GLMN: variants seen among roughly 807,000 people sequenced by gnomAD.
GLMN encodes glomulin, FKBP associated protein, also known as glomulin.
Under a neutral mutation model 87.8 loss-of-function variants are expected in GLMN, and 75 were observed. The observed-to-expected ratio is 0.85, with a 90% CI of 0.71 to 1.04. The LOEUF is 1.04. GLMN is among the 50% of genes least tolerant of loss of function. The probability of loss-of-function intolerance (pLI) is 0.00; values close to 1 mark genes in which losing one functional copy is unlikely to be tolerated. For synonymous variants in GLMN, 206 were observed against 221.6 expected (o/e 0.93, Z 0.63); for missense variants, 588 against 658.8 (o/e 0.89, Z 1.18).
chr1:92,303,916 G>T, upstream of GLMN: 1 of 1,111,116 alleles, frequency 9.0e-7, no homozygotes, highest in South Asian at 1.4e-5. Flanking sequence ...GAGGCTTAGA[G>T]AGCTGATAAA....
the GLMN span, among the ~76,000 whole-genome samples, chr1:92,337,798 G>A: frequency 0.47 from 72,099 of 151,792 alleles, 18,132 homozygotes; most frequent in East Asian, 0.96. Flanking sequence ...TTCATTCATC[G>A]TCAATTCCCC....
chr1:92,274,936 A>G (rs1213235590), intron 7 of GLMN, among the ~76,000 whole-genome samples: 1 of 152,188 alleles, frequency 6.6e-6, no homozygotes, highest in Non-Finnish European at 1.5e-5. Flanking sequence ...ATTATTGACC[A>G]GCTGAACTAT....
intron 7 of GLMN, among the ~76,000 whole-genome samples, chr1:92,282,791 G>T (rs1033889090): frequency 6.6e-6 from 1 of 151,870 alleles, no homozygotes; most frequent in Admixed American, 6.6e-5. Flanking sequence ...ATGATAAAGG[G>T]GATATCACCA....
chr1:92,345,771 C>A, the GLMN span: 4 of 910,460 alleles, frequency 4.4e-6, no homozygotes, highest in South Asian at 1.5e-5. Context: ...TATTATAAAT[C>A]TGATGTTATC....
rs1656211866 is a variant in GLMN at position 92,271,338 on chromosome 1, AAAAT to A, written c.923+123_923+126del. On this transcript the variant is annotated intron_variant, in intron 8 of 18. Coordinates refer to ENST00000370360, the MANE Select transcript of GLMN (RefSeq NM_053274.3). ...ATTATAGCTGGGATCATTCTTATTA[AAAAT>A]AGCCTTTACTATTTATTTAAAATGT... The A allele has an allele frequency of 4.0e-6, 3 of 756,242 alleles. No individual in the cohort carries two copies. The South Asian group carries it at 4.5e-5, about 11-fold the overall frequency. 46.8% of individuals were successfully genotyped at this position (756,242 alleles called of 1,614,324 possible).
chr1:92,267,720 G>C (rs1367030001), intron 11 of GLMN, among the ~76,000 whole-genome samples, 193 bp downstream of exon 11: 1 of 151,008 alleles, frequency 6.6e-6, no homozygotes, highest in East Asian at 2.0e-4. Context: ...AAAAAAAATA[G>C]TTCCTTAGTC....
the GLMN span, chr1:92,304,327 T>G: frequency 6.6e-7 from 1 of 1,524,784 alleles, no homozygotes; most frequent in Non-Finnish European, 9.0e-7. Context: ...ACCAATAAAG[T>G]CTATGATATT....
intron 5 of GLMN, 69 bp downstream of exon 5, chr1:92,290,129 A>T: frequency 1.1e-6 from 1 of 892,994 alleles, no homozygotes; most frequent in South Asian, 1.3e-5. Flanking sequence ...TAGTATTGAC[A>T]TTTTGAGGTA....
At chr1:92,259,169 C>G (rs1654666086) in intron 16 of GLMN, among the ~76,000 whole-genome samples, 1 of 151,904 alleles carries the variant, frequency 6.6e-6, no homozygotes, top group African/African-American at 2.4e-5. Flanking sequence ...TATGAGTACA[C>G]AGGACAGAAG....
chr1:92,361,906 G>A, the GLMN span, among the ~76,000 whole-genome samples: 7 of 152,122 alleles, frequency 4.6e-5, no homozygotes, highest in African/African-American at 7.2e-5. Context: ...TCACCAGGTC[G>A]ATAGAGGTGG....
chr1:92,345,933 T>A, the GLMN span: 1 of 1,532,976 alleles, frequency 6.5e-7, no homozygotes, highest in Non-Finnish European at 9.0e-7. Context: ...TCTCTCAGAT[T>A]TTAACTCTAA....
At chr1:92,328,129 G>A in the GLMN span, among the ~76,000 whole-genome samples, 1 of 152,124 alleles carries the variant, frequency 6.6e-6, no homozygotes, top group African/African-American at 2.4e-5. Flanking sequence ...ATGACTATGT[G>A]CCGGGGCAAT....
chr1:92,248,755 C>T (rs1653023121), intron 16 of GLMN, among the ~76,000 whole-genome samples: 1 of 150,866 alleles, frequency 6.6e-6, no homozygotes, highest in Non-Finnish European at 1.5e-5. Context: ...GTACATGTTA[C>T]TTGCAGCATT....
At chr1:92,286,213 A>G (rs1470171410) in intron 7 of GLMN, among the ~76,000 whole-genome samples, 1 of 151,000 alleles carries the variant, frequency 6.6e-6, no homozygotes, top group Non-Finnish European at 1.5e-5. Flanking sequence ...AAGAGGAAAA[A>G]GGTAGATTAC....
At chr1:92,313,051 A>G in the GLMN span, among the ~76,000 whole-genome samples, 390 of 152,208 alleles carry the variant, frequency 2.6e-3, 1 homozygote, top group Non-Finnish European at 4.4e-3. Context: ...TTTTTAGTAG[A>G]GATGGGGGTT....
rs1031990618 is a variant in GLMN at position 92,298,496 on chromosome 1, T to C, written c.-31+429A>G. On this transcript the variant is annotated intron_variant, in intron 1 of 18. Transcript: ENST00000370360. ...TTTTTAATGTCTCACCTCACAAAAA[T>C]TGGGGTGCAACACAAGCTTATCTAT... is the stretch of plus-strand genomic sequence containing the variant. Among the ~76,000 whole-genome samples, 9 of 152,160 alleles carry C rather than the reference T, an allele frequency of 5.9e-5. No homozygotes were observed. The South Asian group carries it at 6.2e-4, about 11-fold the overall frequency.
chr1:92,293,098 T>G (rs1649609244), intron 3 of GLMN, among the ~76,000 whole-genome samples: 1 of 151,384 alleles, frequency 6.6e-6, no homozygotes, highest in Admixed American at 6.6e-5. Context: ...GAAAAGAAGC[T>G]CAAACAACAC....
chr1:92,342,333 G>A, the GLMN span, among the ~76,000 whole-genome samples: 14 of 152,346 alleles, frequency 9.2e-5, no homozygotes, highest in African/African-American at 3.1e-4. Flanking sequence ...CAGGCCTGGT[G>A]TATTCACAGA....
At chr1:92,362,073 T>C in the GLMN span, among the ~76,000 whole-genome samples, 2 of 152,180 alleles carry the variant, frequency 1.3e-5, no homozygotes, top group Non-Finnish European at 2.9e-5. Context: ...GGCAAACTCT[T>C]CCTTTAACTA....
Sources: allele counts gnomAD v4.1 joint callset (sites outside exome capture counted in the v4.1 genomes callset), GRCh38; gene constraint gnomAD v4.1.1; transcripts MANE v1.5; gene names NCBI Gene and HGNC (gene_info 2026-07-23, HGNC 2026-07-21).